Variants in OR5A1 observed in about 807,000 individuals in gnomAD.
OR5A1 encodes olfactory receptor family 5 subfamily A member 1.
In OR5A1, 6 loss-of-function variants were observed where a neutral mutation model predicts 6.7. That is an observed-to-expected ratio of 0.89 (90% CI 0.49 to 1.76). The LOEUF (loss-of-function observed/expected upper bound fraction) is 1.76, where lower values mean the gene tolerates loss of function less well. OR5A1 is among the 40% of genes most tolerant of loss of function. The pLI is 0.01. For synonymous variants in OR5A1, 170 were observed against 155.0 expected, an observed-to-expected ratio of 1.10 and a Z score of -0.72; for missense variants, 378 against 381.7, an observed-to-expected ratio of 0.99 and a Z score of 0.08.
chr11:59,442,077 G>A (rs1034648289), intron 1 of OR5A1, among the ~76,000 whole-genome samples: 5 of 152,086 alleles, frequency 3.3e-5, no homozygotes, highest in African/African-American at 1.2e-4. Flanking sequence ...AAGTGACCTG[G>A]TCAACATCGC....
chr11:59,448,540 A>C lies in OR5A1; in HGVS notation c.*4424A>C, dbSNP rs1858579385. Reference sequence around the variant, plus strand: ...GATTTTTAGAAATCTCTTAGAAAAAATTTAAAACATTATATAAATACCAGG... The same window carrying C: ...GATTTTTAGAAATCTCTTAGAAAAACTTTAAAACATTATATAAATACCAGG... On this transcript the variant is annotated 3_prime_UTR_variant, in exon 2 of 2. Coordinates refer to ENST00000641045, the MANE Select transcript of OR5A1 (RefSeq NM_001004728.2). 6.6e-6 allele frequency: 1 copy of C among 152,182 alleles called. No homozygotes were observed. Among genetic ancestry groups the C allele is most frequent in the Non-Finnish European group, 1.5e-5 (1 of 68,030 alleles). The allele number at this position is 152,182 out of a possible 1,614,324, so 9.4% of individuals were successfully genotyped here. A position where few individuals can be genotyped will look rare whatever the true frequency, so the allele number is the denominator to read the frequency against.
At chr11:59,437,506 A>G (rs1319284749) in intron 1 of OR5A1, among the ~76,000 whole-genome samples, 1 of 152,154 alleles carries the variant, frequency 6.6e-6, no homozygotes, top group African/African-American at 2.4e-5. Flanking sequence ...ATGGCTTGAT[A>G]GCTCATTTAT....
Position 59,450,215 on chromosome 11 carries a change from G to A in OR5A1, c.*6099G>A, listed in dbSNP as rs760110380. On this transcript the variant is annotated 3_prime_UTR_variant, in exon 2 of 2. Transcript: ENST00000641045. ...GAGGTTACAAAATAGAAAGGCTATC[G>A]TTTGATCCTGACCTCACATTGAGCC... 2.6e-5 allele frequency: 4 copies of A among 152,178 alleles called. No individual in the cohort carries two copies. Among genetic ancestry groups the A allele is most frequent in the Non-Finnish European group, 5.9e-5 (4 of 68,030 alleles). The allele number at this position is 152,178 out of a possible 1,614,324, so 9.4% of individuals were successfully genotyped here.
rs142158607 is a variant in OR5A1 at position 59,443,466 on chromosome 11, T to C, written c.298T>C (p.Cys100Arg). 2.5e-6 allele frequency: 4 copies of C among 1,614,056 alleles called. No individual in the cohort carries two copies. The highest frequency in any genetic ancestry group is 1.3e-5 in the African/African-American group (1 of 75,028). Residue 100 changes from cysteine (C) to arginine (R), a missense_variant, in exon 2 of 2, where the codon TGT becomes CGT. Coordinates refer to ENST00000641045, the MANE Select transcript of OR5A1 (RefSeq NM_001004728.2). The part of the protein sequence containing the change: ...WEQKTISFVG[C>R]AAQFFFFVGM... The stretch of plus-strand genomic sequence containing the variant: ...GCAGAAGACCATATCATTTGTGGGC[T>C]GTGCTGCTCAGTTTTTTTTCTTTGT...
chr11:59,443,929 T>C lies in OR5A1; in HGVS notation c.761T>C (p.Leu254Pro). Residue 254 changes from leucine to proline, a missense_variant, in exon 2 of 2, where the codon CTG (leucine) becomes CCG (proline). By Grantham distance (98) the Leu-to-Pro change is moderately conservative. Transcript: ENST00000641045. ...CASHLMVVTL[L>P]FGTALFVYLR... Reference sequence around the variant, plus strand: ...TCGCATCTGATGGTGGTGACTCTGCTGTTTGGGACAGCCCTTTTCGTGTAC... The same window carrying C: ...TCGCATCTGATGGTGGTGACTCTGCCGTTTGGGACAGCCCTTTTCGTGTAC... 2 of 1,614,112 alleles carry C rather than the reference T, an allele frequency of 1.2e-6. No individual in the cohort carries two copies. Among genetic ancestry groups the C allele is most frequent in the Non-Finnish European group, 1.7e-6 (2 of 1,180,016 alleles).
Position 59,441,296 on chromosome 11 carries a change from C to T in OR5A1, c.-33-1840C>T, listed in dbSNP as rs141738605. Among the ~76,000 whole-genome samples the T allele has an allele frequency of 1.7e-3, 256 of 151,268 alleles. 1 individual carries two copies. Among genetic ancestry groups the T allele is most frequent in the African/African-American group, 5.8e-3 (236 of 40,774 alleles). On this transcript the variant is annotated intron_variant, in intron 1 of 1. Transcript: ENST00000641045. ...ATACTTGTACATAAAAAGTATACACCAAAATATTAAGAGTTATTATTTCAG... is the reference window on the plus strand; with the variant it reads ...ATACTTGTACATAAAAAGTATACACTAAAATATTAAGAGTTATTATTTCAG...
rs1198113975 is a variant in OR5A1 at position 59,450,204 on chromosome 11, G to A, written c.*6088G>A. 6.6e-6 allele frequency: 1 copy of A among 152,180 alleles called. No homozygotes were observed. Among genetic ancestry groups the A allele is most frequent in the Non-Finnish European group, 1.5e-5 (1 of 68,028 alleles). The allele number at this position is 152,180 out of a possible 1,614,324, so 9.4% of individuals were successfully genotyped here. A position where few individuals can be genotyped will look rare whatever the true frequency, so the allele number is the denominator to read the frequency against. The stretch of plus-strand genomic sequence containing the variant: ...CATGCAACCCTGAGGTTACAAAATA[G>A]AAAGGCTATCGTTTGATCCTGACCT... On this transcript the variant is annotated 3_prime_UTR_variant, in exon 2 of 2. Coordinates refer to ENST00000641045, the MANE Select transcript of OR5A1 (RefSeq NM_001004728.2).
chr11:59,438,785 G>C (rs1858450084), intron 1 of OR5A1, among the ~76,000 whole-genome samples: 1 of 152,152 alleles, frequency 6.6e-6, no homozygotes, highest in Admixed American at 6.5e-5. Flanking sequence ...ACACTGCAGA[G>C]GCCTCTAAAC....
At position 59,446,417 on chromosome 11, in the gene OR5A1, G is replaced by A. The variant is rs1354671673; in HGVS notation, c.*2301G>A. On this transcript the variant is annotated 3_prime_UTR_variant, in exon 2 of 2. Transcript: ENST00000641045. Reference sequence around the variant, plus strand: ...GTAGTATAGTTTGAAGTCAGGGAGTGTAATGCCTCCGGCTTTGTTCTTTTT... The same window carrying A: ...GTAGTATAGTTTGAAGTCAGGGAGTATAATGCCTCCGGCTTTGTTCTTTTT... 1 of 152,190 alleles carries A rather than the reference G, an allele frequency of 6.6e-6. No individual in the cohort carries two copies. Among genetic ancestry groups the A allele is most frequent in the African/African-American group, 2.4e-5 (1 of 41,422 alleles). 9.4% of individuals were successfully genotyped at this position (152,190 alleles called of 1,614,324 possible). A position where few individuals can be genotyped will look rare whatever the true frequency, so the allele number is the denominator to read the frequency against.
Position 59,443,502 on chromosome 11 carries a change from C to T in OR5A1, c.334C>T (p.Leu112=), listed in dbSNP as rs764770468. Residue 112 remains leucine (L), a synonymous_variant, in exon 2 of 2, where the codon CTG becomes TTG. Coordinates refer to ENST00000641045, the MANE Select transcript of OR5A1 (RefSeq NM_001004728.2). ...AQFFFFVGMG[L]SECLLLTAMA... is the part of the protein sequence containing the mutation. ...GTTTTTTTTCTTTGTCGGCATGGGT[C>T]TGTCTGAGTGCCTCCTCCTGACTGC... 5.0e-6 allele frequency: 8 copies of T among 1,614,024 alleles called. No homozygotes were observed. In the South Asian group the frequency reaches 8.8e-5, roughly 18 times the overall value.
Position 59,448,223 on chromosome 11 carries a change from A to T in OR5A1, c.*4107A>T, listed in dbSNP as rs1858574616. The T allele has an allele frequency of 6.6e-6, 1 of 152,204 alleles. No homozygotes were observed. The highest frequency in any genetic ancestry group is 2.1e-4 in the South Asian group (1 of 4,818). 9.4% of individuals were successfully genotyped at this position (152,204 alleles called of 1,614,324 possible). A position where few individuals can be genotyped will look rare whatever the true frequency, so the allele number is the denominator to read the frequency against. ...GGACTGAGTGAAGGAGGAGGCACAA[A>T]ACCTGCATGCCATTTCAGCGTAAGT... On this transcript the variant is annotated 3_prime_UTR_variant, in exon 2 of 2. Transcript: ENST00000641045.
rs907589579 is a variant in OR5A1, at chr11:59,445,369, A to G, written c.*1253A>G. The G allele has an allele frequency of 3.9e-5, 6 of 152,166 alleles. No homozygotes were observed. Among genetic ancestry groups the G allele is most frequent in the Admixed American group, 6.5e-5 (1 of 15,272 alleles). 9.4% of individuals were successfully genotyped at this position (152,166 alleles called of 1,614,324 possible). On this transcript the variant is annotated 3_prime_UTR_variant, in exon 2 of 2. Transcript: ENST00000641045. ...TCCTTTTATGGCTGCATAGTATTCC[A>G]TGGTATGTATGTACCATATTTTCTT... is the stretch of plus-strand genomic sequence containing the variant.
rs1374299975 is a variant in OR5A1, at chr11:59,447,425, C to T, written c.*3309C>T. 2 of 152,180 alleles carry T rather than the reference C, an allele frequency of 1.3e-5. No individual in the cohort carries two copies. The highest frequency in any genetic ancestry group is 2.9e-5 in the Non-Finnish European group (2 of 68,048). 9.4% of individuals were successfully genotyped at this position (152,180 alleles called of 1,614,324 possible). ...ACTGGGGTCAGGCTAGTGTATGAAA[C>T]TGCAACAATTAGGCCAGTAAAATTT... On this transcript the variant is annotated 3_prime_UTR_variant, in exon 2 of 2. Transcript: ENST00000641045.
In OR5A1 at chr11:59,445,014, T is replaced by A. The variant is rs914458384; in HGVS notation, c.*898T>A. ...TTCTTTTAATTTAATTTAATTTTAT[T>A]TTATTTTAAGTTCCGGGATACATAT... On this transcript the variant is annotated 3_prime_UTR_variant, in exon 2 of 2. Coordinates refer to ENST00000641045, the MANE Select transcript of OR5A1 (RefSeq NM_001004728.2). 6.6e-6 allele frequency: 1 copy of A among 152,174 alleles called. No individual in the cohort carries two copies. Among genetic ancestry groups the A allele is most frequent in the African/African-American group, 2.4e-5 (1 of 41,440 alleles). The allele number at this position is 152,174 out of a possible 1,614,324, so 9.4% of individuals were successfully genotyped here. A position where few individuals can be genotyped will look rare whatever the true frequency, so the allele number is the denominator to read the frequency against.
Position 59,447,503 on chromosome 11 carries a change from A to G in OR5A1, c.*3387A>G, listed in dbSNP as rs1858564271. Reference sequence around the variant, plus strand: ...GTATATTAAGGGATACTTGCTTTACAGAAATATCAGCAAATGAATCAAAAA... The same window carrying G: ...GTATATTAAGGGATACTTGCTTTACGGAAATATCAGCAAATGAATCAAAAA... On this transcript the variant is annotated 3_prime_UTR_variant, in exon 2 of 2. Coordinates refer to ENST00000641045, the MANE Select transcript of OR5A1 (RefSeq NM_001004728.2). The G allele has an allele frequency of 6.6e-6, 1 of 152,224 alleles. No homozygotes were observed. The highest frequency in any genetic ancestry group is 1.5e-5 in the Non-Finnish European group (1 of 68,042). 9.4% of individuals were successfully genotyped at this position (152,224 alleles called of 1,614,324 possible). A position where few individuals can be genotyped will look rare whatever the true frequency, so the allele number is the denominator to read the frequency against.
Position 59,447,588 on chromosome 11 carries a change from G to A in OR5A1, c.*3472G>A, listed in dbSNP as rs564978822. 7 of 152,286 alleles carry A rather than the reference G, an allele frequency of 4.6e-5. No homozygotes were observed. Among genetic ancestry groups the A allele is most frequent in the South Asian group, 2.1e-4 (1 of 4,822 alleles). 9.4% of individuals were successfully genotyped at this position (152,286 alleles called of 1,614,324 possible). On this transcript the variant is annotated 3_prime_UTR_variant, in exon 2 of 2. Transcript: ENST00000641045. The stretch of plus-strand genomic sequence containing the variant: ...AGAAAGAATATGAGAAGGAGAGATT[G>A]TCTGATCCTCACCCCTATTTGGTTG...
In OR5A1 at chr11:59,448,137, T is replaced by C. The variant is rs2134541193; in HGVS notation, c.*4021T>C. 1 of 152,342 alleles carries C rather than the reference T, an allele frequency of 6.6e-6. No individual in the cohort carries two copies. The highest frequency in any genetic ancestry group is 1.5e-5 in the Non-Finnish European group (1 of 68,036). The allele number at this position is 152,342 out of a possible 1,614,324, so 9.4% of individuals were successfully genotyped here. On this transcript the variant is annotated 3_prime_UTR_variant, in exon 2 of 2. Transcript: ENST00000641045. ...ACATTCAAAGCCGTCCTGGGCCGCA[T>C]GAAGCCCACGGGCTGTGGGTTGTGC...
At chr11:59,438,077 T>A (rs762423484) in intron 1 of OR5A1, among the ~76,000 whole-genome samples, 4 of 152,102 alleles carry the variant, frequency 2.6e-5, no homozygotes, top group Non-Finnish European at 5.9e-5. Context: ...AGATGTCTAC[T>A]CCCCCTTCAC....
rs1488657268 is a variant in OR5A1, at chr11:59,449,657, C to A, written c.*5541C>A. On this transcript the variant is annotated 3_prime_UTR_variant, in exon 2 of 2. Coordinates refer to ENST00000641045, the MANE Select transcript of OR5A1 (RefSeq NM_001004728.2). ...TATTAGGATTATGATAATATTAATA[C>A]CCTACATTTGTATAATGCTTTGAAG... 9.2e-5 allele frequency: 14 copies of A among 152,056 alleles called. No homozygotes were observed. The highest frequency in any genetic ancestry group is 4.6e-4 in the Admixed American group (7 of 15,250). The allele number at this position is 152,056 out of a possible 1,614,324, so 9.4% of individuals were successfully genotyped here.
Sources: gnomAD v4.1 joint callset for allele counts (sites outside exome capture counted in the v4.1 genomes callset) on GRCh38, gnomAD v4.1.1 for gene constraint, MANE v1.5 for transcripts, NCBI Gene and HGNC (gene_info 2026-07-23, HGNC 2026-07-21) for gene names.